Variants in SORCS3 observed in about 807,000 individuals in gnomAD.
The protein encoded by SORCS3 is VPS10 domain-containing receptor SorCS3.
In SORCS3, 57 loss-of-function variants were observed where a neutral mutation model predicts 146.3. The ratio of observed to expected loss-of-function variants is 0.39; its 90% confidence interval spans 0.31 to 0.49. SORCS3 has a LOEUF of 0.49. SORCS3 is among the 20% of genes least tolerant of loss of function. SORCS3 has a pLI of 0.92. For synonymous variants in SORCS3, 653 were observed against 618.5 expected, an observed-to-expected ratio of 1.06 and a Z score of -0.83; for missense variants, 1,341 against 1,575.5, an observed-to-expected ratio of 0.85 and a Z score of 2.52.
intron 1 of SORCS3, among the ~76,000 whole-genome samples, chr10:104,698,082 G>A (rs568383062): frequency 3.3e-4 from 50 of 152,292 alleles, no homozygotes; most frequent in Middle Eastern, 6.8e-3. Context: ...GAAATAATTG[G>A]AACAACTCTT....
intron 2 of SORCS3, among the ~76,000 whole-genome samples, chr10:104,914,545 G>C (rs2019005035): frequency 1.3e-5 from 2 of 152,158 alleles, no homozygotes; most frequent in Admixed American, 6.5e-5. Flanking sequence ...CTTAAGCCCA[G>C]GAATTTGAGG....
intron 3 of SORCS3, among the ~76,000 whole-genome samples, chr10:104,955,114 A>G (rs190069243): frequency 5.9e-5 from 9 of 152,304 alleles, no homozygotes; most frequent in African/African-American, 2.2e-4. Context: ...ACTACTATCT[A>G]GTTCCAGAGC....
rs1207560462 is a variant in SORCS3 at position 104,641,654 on chromosome 10, AC to A, written c.329del (p.Pro110ArgfsTer59). 1 of 1,527,776 alleles carries A rather than the reference AC, an allele frequency of 6.5e-7. No homozygotes were observed. The allele number at this position is 1,527,776 out of a possible 1,614,324, so 94.6% of individuals were successfully genotyped here. ...TGCAGGTGGAAGCCGGAGGGACATC[AC>A]CGGCAGGCGAGCGGCGGGGCCGGGG... The part of the protein sequence containing the change: ...EMQVEAGGTS[P>X]AGERRGRGIP... On this transcript the variant is annotated frameshift_variant, in exon 1 of 27. Transcript: ENST00000369701. LOFTEE classifies it high-confidence loss of function. This position sits in a 1 kb window ranked among gnomAD's most constrained non-coding sequence, Gnocchi z 6.4.
chr10:105,082,089 G>A (rs703461), intron 5 of SORCS3, among the ~76,000 whole-genome samples: 55,117 of 152,114 alleles, frequency 0.36, 10,284 homozygotes, highest in Admixed American at 0.42. Flanking sequence ...ACTATCCAGT[G>A]AAAGCCTGTG....
chr10:104,885,212 G>T (rs1239780022), intron 2 of SORCS3, among the ~76,000 whole-genome samples: 1 of 152,122 alleles, frequency 6.6e-6, no homozygotes, highest in Non-Finnish European at 1.5e-5. Context: ...CAGCCTGGTG[G>T]AACACTGATG....
At chr10:104,937,483 C>A (rs1390813882) in intron 3 of SORCS3, among the ~76,000 whole-genome samples, 1 of 152,176 alleles carries the variant, frequency 6.6e-6, no homozygotes, top group Non-Finnish European at 1.5e-5. Context: ...TAAAAGATAA[C>A]TAACATAGAA....
intron 2 of SORCS3, among the ~76,000 whole-genome samples, chr10:104,859,247 C>T (rs927193074): frequency 6.6e-6 from 1 of 152,140 alleles, no homozygotes; most frequent in African/African-American, 2.4e-5. Context: ...CTGATAGAGC[C>T]TTCAGAAATA....
At chr10:104,657,908 CTTTA>C (rs1353272857) in intron 1 of SORCS3, among the ~76,000 whole-genome samples, 1 of 152,180 alleles carries the variant, frequency 6.6e-6, no homozygotes, top group Non-Finnish European at 1.5e-5. Flanking sequence ...GGGAATTGTA[CTTTA>C]TTTGTTAATG....
chr10:104,826,808 A>G (rs1055461437), intron 1 of SORCS3, among the ~76,000 whole-genome samples: 2 of 152,216 alleles, frequency 1.3e-5, no homozygotes, highest in Admixed American at 1.3e-4. Context: ...ATAGCATTTT[A>G]CCCACAGTAA....
At chr10:105,202,334 T>C in intron 16 of SORCS3, among the ~76,000 whole-genome samples, 1 of 152,176 alleles carries the variant, frequency 6.6e-6, no homozygotes, top group Non-Finnish European at 1.5e-5. Context: ...ATTCACTGTA[T>C]TGCAACCGCA....
intron 2 of SORCS3, among the ~76,000 whole-genome samples, chr10:104,915,447 C>T (rs936019344): frequency 1.2e-4 from 18 of 147,906 alleles, no homozygotes; most frequent in African/African-American, 4.5e-4. Context: ...ATGGCCTCCA[C>T]ACACAACTCC....
chr10:105,093,680 G>A (rs940363364), intron 6 of SORCS3, among the ~76,000 whole-genome samples: 1 of 152,028 alleles, frequency 6.6e-6, no homozygotes, highest in Middle Eastern at 3.2e-3. Flanking sequence ...TAAAACCATA[G>A]TGATATATCA....
intron 7 of SORCS3, among the ~76,000 whole-genome samples, chr10:105,108,859 A>G (rs902162941): frequency 2.6e-5 from 4 of 152,248 alleles, no homozygotes; most frequent in African/African-American, 9.6e-5. Context: ...TACAAATATA[A>G]ATCAGTGGAT....
intron 4 of SORCS3, among the ~76,000 whole-genome samples, chr10:105,003,559 A>G (rs2055074200): frequency 1.3e-5 from 2 of 152,326 alleles, no homozygotes; most frequent in South Asian, 4.1e-4. Context: ...TATAAATATT[A>G]GCTTATGCAA....
At chr10:105,198,479 G>T (rs1362806445) in intron 14 of SORCS3, among the ~76,000 whole-genome samples, 3 of 152,184 alleles carry the variant, frequency 2.0e-5, no homozygotes, top group African/African-American at 7.2e-5. Context: ...TTTGATAAGA[G>T]AGAGCTGTTT....
chr10:105,208,833 C>T (rs1250146245), intron 16 of SORCS3, among the ~76,000 whole-genome samples: 1 of 152,120 alleles, frequency 6.6e-6, no homozygotes, highest in African/African-American at 2.4e-5. Context: ...GCTGGCACAA[C>T]ACTGAGTCCA....
intron 1 of SORCS3, among the ~76,000 whole-genome samples, chr10:104,726,597 G>A (rs1194037690): frequency 7.2e-5 from 11 of 151,788 alleles, no homozygotes; most frequent in African/African-American, 1.7e-4. Flanking sequence ...GGGGCTCTCC[G>A]TTGGACACCT....
Position 105,263,368 on chromosome 10 carries a change from T to C in SORCS3, c.3663T>C (p.Ser1221=). ...ESTKEIPNCT[S]V Reference sequence around the variant, plus strand: ...CAAAGGAGATCCCCAACTGCACTAGTGTTTAATACCAGCAAGCCACGTGGT... The same window carrying C: ...CAAAGGAGATCCCCAACTGCACTAGCGTTTAATACCAGCAAGCCACGTGGT... Residue 1221 remains serine, a synonymous_variant, in exon 27 of 27, where the codon AGT becomes AGC. Coordinates refer to ENST00000369701, the MANE Select transcript of SORCS3 (RefSeq NM_014978.3). The C allele has an allele frequency of 6.2e-7, 1 of 1,614,056 alleles. No homozygotes were observed. Among genetic ancestry groups the C allele is most frequent in the Admixed American group, 1.7e-5 (1 of 60,010 alleles).
At position 105,078,533 on chromosome 10, in the gene SORCS3, A is replaced by T. The variant is rs117764029; in HGVS notation, c.1029-11242A>T. Among the ~76,000 whole-genome samples the T allele has an allele frequency of 4.5e-4, 69 of 152,310 alleles. No individual in the cohort carries two copies. In the East Asian group the frequency reaches 9.9e-3, roughly 22 times the overall value. ...CTCATCTGAAAAAAAAGAAAAAAAG[A>T]TTATATTACTATCTCAAAGTTTGTT... On this transcript the variant is annotated intron_variant, in intron 5 of 26. Coordinates refer to ENST00000369701, the MANE Select transcript of SORCS3 (RefSeq NM_014978.3).
Sources: allele counts gnomAD v4.1 joint callset (sites outside exome capture counted in the v4.1 genomes callset), GRCh38; gene constraint gnomAD v4.1.1; non-coding constraint Gnocchi (gnomAD v3.1); transcripts MANE v1.5; gene names NCBI Gene and HGNC (gene_info 2026-07-23, HGNC 2026-07-21).